STIL: variants seen among roughly 807,000 people sequenced by gnomAD.
STIL encodes STIL centriolar assembly protein, also known as SCL-interrupting locus protein.
Under a neutral mutation model 110.1 loss-of-function variants are expected in STIL, and 55 were observed. The observed-to-expected ratio is 0.50, with a 90% CI of 0.40 to 0.63. The LOEUF (loss-of-function observed/expected upper bound fraction) is 0.63, where lower values mean the gene tolerates loss of function less well. Among genes scored for constraint, STIL ranks in the 20% least tolerant of loss-of-function variants. The pLI, the probability that STIL is intolerant of heterozygous loss-of-function variation, is 0.00. For synonymous variants in STIL, 481 were observed against 530.0 expected, an observed-to-expected ratio of 0.91 and a Z score of 1.27; for missense variants, 1,358 against 1,530.0, an observed-to-expected ratio of 0.89 and a Z score of 1.87.
intron 14 of STIL, among the ~76,000 whole-genome samples, chr1:47,268,848 C>T (rs1247487102): frequency 6.6e-6 from 1 of 151,888 alleles, no homozygotes; most frequent in Non-Finnish European, 1.5e-5. Flanking sequence ...AATCCCAGCA[C>T]TTTGGGAGGC....
rs116175765 is a variant in STIL at position 47,297,480 on chromosome 1, A to T, written c.702-1632T>A. 8.5e-3 allele frequency among the ~76,000 whole-genome samples: 1,297 copies of T among 152,326 alleles called. 35 individuals are homozygous for T. Among genetic ancestry groups the T allele is most frequent in the East Asian group, 0.074 (386 of 5,186 alleles). On this transcript the variant is annotated intron_variant, in intron 6 of 16. Coordinates refer to ENST00000371877, the MANE Select transcript of STIL (RefSeq NM_001048166.1). ...GTTTACATGTCAACATATTCAATAG[A>T]TAGTAAGTATAGTTTTTAATCTATT... is the stretch of plus-strand genomic sequence containing the variant.
At chr1:47,286,694 A>G (rs1645311186) in intron 10 of STIL, among the ~76,000 whole-genome samples, 1 of 151,946 alleles carries the variant, frequency 6.6e-6, no homozygotes, top group Admixed American at 6.6e-5. Flanking sequence ...GCTCTGTCTC[A>G]AAGAAAAAAA....
At chr1:47,277,236 G>A (rs1034346117) in intron 12 of STIL, among the ~76,000 whole-genome samples, 1 of 152,126 alleles carries the variant, frequency 6.6e-6, no homozygotes, top group Non-Finnish European at 1.5e-5. Flanking sequence ...GTATAAACAT[G>A]TTTTGGCATT....
intron 12 of STIL, among the ~76,000 whole-genome samples, chr1:47,273,299 C>T (rs1239196441): frequency 6.6e-6 from 1 of 152,202 alleles, no homozygotes; most frequent in East Asian, 1.9e-4. Flanking sequence ...ATAATCACCA[C>T]TATCTGATTC....
At chr1:47,313,649 G>C (rs892531953) in intron 1 of STIL, among the ~76,000 whole-genome samples, 1 of 152,110 alleles carries the variant, frequency 6.6e-6, no homozygotes, top group Non-Finnish European at 1.5e-5. Context: ...TAGCATTCTC[G>C]CACTTTGCTG....
chr1:47,292,235 C>A (rs747895798), intron 8 of STIL, among the ~76,000 whole-genome samples: 21 of 151,610 alleles, frequency 1.4e-4, no homozygotes, highest in Admixed American at 3.3e-4. Context: ...AATAGGTGCT[C>A]AATAAATAAA....
At chr1:47,307,557 T>C (rs548782842) in intron 2 of STIL, among the ~76,000 whole-genome samples, 3 of 152,272 alleles carry the variant, frequency 2.0e-5, no homozygotes, top group East Asian at 3.9e-4. Flanking sequence ...CTCTTAATCC[T>C]GTCAGCCGAG....
intron 14 of STIL, among the ~76,000 whole-genome samples, chr1:47,264,498 T>A (rs1188240052): frequency 6.6e-6 from 1 of 152,176 alleles, no homozygotes; most frequent in Non-Finnish European, 1.5e-5. Context: ...AAAATATGGA[T>A]CATTTTAAAA....
chr1:47,255,066 AGGATTG>A (rs1644292121), intron 16 of STIL, among the ~76,000 whole-genome samples: 1 of 152,106 alleles, frequency 6.6e-6, no homozygotes, highest in Admixed American at 6.6e-5. Flanking sequence ...CTGAGGCAGG[AGGATTG>A]CTTAAGCCCA....
chr1:47,290,161 G>C lies in STIL; in HGVS notation c.873-576C>G, dbSNP rs143699137. ...AAATGTTAAAAGTAGAACTCCAAAA[G>C]CATCTGAAGAAAATACAAGTGATTT... On this transcript the variant is annotated intron_variant, in intron 8 of 16. Transcript: ENST00000371877. Among the ~76,000 whole-genome samples, 606 of 152,134 alleles carry C rather than the reference G, an allele frequency of 4.0e-3. 3 individuals are homozygous for C. Among genetic ancestry groups the C allele is most frequent in the African/African-American group, 0.014 (581 of 41,532 alleles).
chr1:47,310,322 T>C lies in STIL; in HGVS notation c.-3A>G, dbSNP rs544430239. ...GCAAAAGGATATATAGGCTCCATGA[T>C]GTCTGGTGAATGATTTCTTTAATTC... On this transcript the variant is annotated 5_prime_UTR_variant, in exon 2 of 17. Coordinates refer to ENST00000371877, the MANE Select transcript of STIL (RefSeq NM_001048166.1). The C allele has an allele frequency of 1.2e-6, 2 of 1,612,794 alleles. No individual in the cohort carries two copies. The highest frequency in any genetic ancestry group is 1.3e-5 in the African/African-American group (1 of 75,050).
chr1:47,269,581 CA>C (rs1043515246), intron 14 of STIL, 53 bp downstream of exon 14: 158 of 1,445,856 alleles, frequency 1.1e-4, no homozygotes, highest in African/African-American at 8.1e-4. Context: ...ATTTGTCTAT[CA>C]AAAAAAATTT....
Position 47,251,467 on chromosome 1 carries a change from A to G in STIL, c.3536T>C (p.Ile1179Thr). The change falls in exon 17 of 17, where the codon ATT (isoleucine) becomes ACT (threonine). Residue 1179 changes from isoleucine (I) to threonine (T), a missense_variant. By Grantham distance (89) the Ile-to-Thr change is moderately conservative. Transcript: ENST00000371877. ...KEPSKNDHEI[I>T]NCSNCESVGT... is the part of the protein sequence containing the mutation. ...CACAGATTCACAGTTAGAACAATTAATTATTTCATGGTCATTCTTAGAAGG... is the reference window on the plus strand; with the variant it reads ...CACAGATTCACAGTTAGAACAATTAGTTATTTCATGGTCATTCTTAGAAGG... 1 of 1,614,208 alleles carries G rather than the reference A, an allele frequency of 6.2e-7. No homozygotes were observed. The highest frequency in any genetic ancestry group is 1.3e-5 in the African/African-American group (1 of 75,050).
At chr1:47,255,126 T>TA (rs767722109) in intron 16 of STIL, among the ~76,000 whole-genome samples, 4,540 of 146,912 alleles carry the variant, frequency 0.031, 120 homozygotes, top group Non-Finnish European at 0.044. Context: ...ACCACATCAC[T>TA]AAAAAAAAAA....
In STIL at chr1:47,260,302, C is replaced by T. The variant is rs144586803; in HGVS notation, c.3067G>A (p.Val1023Met). The change falls in exon 16 of 17, where the codon GTG becomes ATG. Residue 1023 changes from valine (V) to methionine (M), a missense_variant. Coordinates refer to ENST00000371877, the MANE Select transcript of STIL (RefSeq NM_001048166.1). ...PTKVKKNAHN[V>M]DHASVLACIS... ...TTTAAAAGTTACCTGGCGTGATCCA[C>T]GTTATGTGCATTTTTCTTCACTTTA... is the stretch of plus-strand genomic sequence containing the variant. 48 of 1,613,704 alleles carry T rather than the reference C, an allele frequency of 3.0e-5. No homozygotes were observed. In the South Asian group the frequency reaches 4.2e-4, roughly 14 times the overall value.
intron 16 of STIL, among the ~76,000 whole-genome samples, chr1:47,257,823 G>A (rs1644368485): frequency 6.6e-6 from 1 of 152,182 alleles, no homozygotes; most frequent in South Asian, 2.1e-4. Flanking sequence ...TGAGAACAAA[G>A]ATGTCTTTCT....
chr1:47,271,322 C>A (rs1644828959), intron 13 of STIL, among the ~76,000 whole-genome samples: 2 of 151,688 alleles, frequency 1.3e-5, no homozygotes, highest in South Asian at 4.2e-4. Flanking sequence ...TAATACAATC[C>A]CAGCCCTTTG....
chr1:47,271,614 T>C (rs943269580), intron 13 of STIL, among the ~76,000 whole-genome samples: 2 of 141,578 alleles, frequency 1.4e-5, no homozygotes, highest in Non-Finnish European at 3.1e-5. Context: ...ACTCTGAGGA[T>C]ATACTTGGGT....
chr1:47,267,308 G>T (rs1057052951), intron 14 of STIL, among the ~76,000 whole-genome samples: 2 of 152,184 alleles, frequency 1.3e-5, no homozygotes, highest in Non-Finnish European at 2.9e-5. Flanking sequence ...AAAGTTAGGA[G>T]CTTTGCCTAA....
Sources: allele counts gnomAD v4.1 joint callset (sites outside exome capture counted in the v4.1 genomes callset), GRCh38; gene constraint gnomAD v4.1.1; transcripts MANE v1.5; gene names NCBI Gene and HGNC (gene_info 2026-07-23, HGNC 2026-07-21).